CSMD1: variants seen among roughly 807,000 people sequenced by gnomAD.
The protein encoded by CSMD1 is CUB and sushi domain-containing protein 1.
Under a neutral mutation model 417.5 loss-of-function variants are expected in CSMD1, and 213 were observed. That is an observed-to-expected ratio of 0.51 (90% confidence interval 0.46 to 0.57). The LOEUF (loss-of-function observed/expected upper bound fraction) is 0.57, where lower values mean the gene tolerates loss of function less well. Among genes scored for constraint, CSMD1 ranks in the 20% least tolerant of loss-of-function variants. The pLI is 0.00. For synonymous variants in CSMD1, 2,862 were observed against 1,736.8 expected (o/e 1.65, Z -16.11); for missense variants, 6,923 against 4,529.7 (o/e 1.53, Z -15.17).
At chr8:3,340,657 T>A (rs1321783381) in intron 23 of CSMD1, among the ~76,000 whole-genome samples, 1 of 152,224 alleles carries the variant, frequency 6.6e-6, no homozygotes, top group Non-Finnish European at 1.5e-5. Flanking sequence ...GATTCAGGTA[T>A]TTGATGACCT....
chr8:3,789,630 C>A (rs1225157858), intron 5 of CSMD1, among the ~76,000 whole-genome samples: 1 of 150,846 alleles, frequency 6.6e-6, no homozygotes, highest in Non-Finnish European at 1.5e-5. Context: ...TTTAAGTCCT[C>A]TAAAAAATAA....
chr8:3,313,992 C>T (rs1320994036), intron 23 of CSMD1, among the ~76,000 whole-genome samples: 1 of 152,006 alleles, frequency 6.6e-6, no homozygotes, highest in African/African-American at 2.4e-5. Flanking sequence ...AAGCTGGAAA[C>T]CATCATTCTC....
At chr8:3,237,791 C>G (rs190821827) in intron 26 of CSMD1, among the ~76,000 whole-genome samples, 2 of 28,680 alleles carry the variant, frequency 7.0e-5, no homozygotes, top group Admixed American at 3.7e-4. Context: ...ACTTATACTA[C>G]AAGTATAATT....
At chr8:4,438,474 A>G (rs1420054215) in intron 2 of CSMD1, among the ~76,000 whole-genome samples, 1 of 152,168 alleles carries the variant, frequency 6.6e-6, no homozygotes, top group Non-Finnish European at 1.5e-5. Context: ...CAATGGACCA[A>G]CGCTTGGGTT....
rs80167164 is a variant in CSMD1 at position 4,210,841 on chromosome 8, G to A, written c.416-178742C>T. 2.4e-4 allele frequency among the ~76,000 whole-genome samples: 36 copies of A among 152,082 alleles called. No individual in the cohort carries two copies. The East Asian group carries it at 4.6e-3, about 20-fold the overall frequency. On this transcript the variant is annotated intron_variant, in intron 3 of 69. Transcript: ENST00000635120. ...AGTCTTGGAAAGAATCATGTATCTC[G>A]GGAAAGAAATGTTTCACAGCAGTGT... is the stretch of plus-strand genomic sequence containing the variant.
intron 18 of CSMD1, among the ~76,000 whole-genome samples, chr8:3,382,333 T>G: frequency 6.8e-6 from 1 of 146,754 alleles, no homozygotes; most frequent in East Asian, 1.9e-4. Context: ...TATATATATA[T>G]ATAAATTTAT....
chr8:4,465,692 T>C lies in CSMD1; in HGVS notation c.303-45627A>G, dbSNP rs1421112352. 4.6e-5 allele frequency among the ~76,000 whole-genome samples: 7 copies of C among 152,158 alleles called. No homozygotes were observed. In the East Asian group the frequency reaches 1.3e-3, roughly 29 times the overall value. ...GAAATTCACTTTATTGCTCTGACCATTAAAGGAAGAAGAATGGTAGGAAAG... is the reference window on the plus strand; with the variant it reads ...GAAATTCACTTTATTGCTCTGACCACTAAAGGAAGAAGAATGGTAGGAAAG... On this transcript the variant is annotated intron_variant, in intron 2 of 69. Transcript: ENST00000635120.
At chr8:3,551,432 C>G (rs530854778) in intron 10 of CSMD1, among the ~76,000 whole-genome samples, 2 of 152,126 alleles carry the variant, frequency 1.3e-5, no homozygotes, top group East Asian at 1.9e-4. Flanking sequence ...ATTAACTAAT[C>G]TGCACACTGA....
chr8:3,565,012 A>T (rs1799638007), intron 10 of CSMD1, among the ~76,000 whole-genome samples: 1 of 117,754 alleles, frequency 8.5e-6, no homozygotes, highest in Non-Finnish European at 1.8e-5. Flanking sequence ...GATGGGAAGC[A>T]AAGCACCATG....
At chr8:4,639,625 T>C (rs1803073316) in intron 1 of CSMD1, among the ~76,000 whole-genome samples, 1 of 152,228 alleles carries the variant, frequency 6.6e-6, no homozygotes, top group African/African-American at 2.4e-5. Context: ...CTGGGTGTAC[T>C]CAGATTGTGG....
chr8:3,442,207 GT>G (rs138203722), intron 12 of CSMD1, among the ~76,000 whole-genome samples: 14,007 of 151,996 alleles, frequency 0.092, 737 homozygotes, highest in Middle Eastern at 0.14. Context: ...AAATGAAAAG[GT>G]TTATAAAGTA....
intron 12 of CSMD1, among the ~76,000 whole-genome samples, chr8:3,412,129 T>C (rs1243870244): frequency 2.2e-5 from 3 of 135,184 alleles, no homozygotes; most frequent in Non-Finnish European, 4.7e-5. Flanking sequence ...CACACGTATA[T>C]ATACATATAT....
In CSMD1 at chr8:2,967,426, C is replaced by T. The variant is rs186679890; in HGVS notation, c.8924-680G>A. Among the ~76,000 whole-genome samples the T allele has an allele frequency of 5.0e-3, 767 of 152,298 alleles. 5 individuals carry two copies. Among genetic ancestry groups the T allele is most frequent in the Middle Eastern group, 0.01 (3 of 294 alleles). On this transcript the variant is annotated intron_variant, in intron 57 of 69. Transcript: ENST00000635120. ...AGGCCTCAATTAACGATGGTCAGTG[C>T]AACAGGTCTACACTCTGTGCCTATT...
chr8:3,933,564 G>C (rs183998568), intron 5 of CSMD1, among the ~76,000 whole-genome samples: 1 of 152,076 alleles, frequency 6.6e-6, no homozygotes, highest in Non-Finnish European at 1.5e-5. Context: ...GGCAAAACAG[G>C]ATACATTGAG....
At chr8:2,945,591 T>C (rs1802171684) in intron 68 of CSMD1, among the ~76,000 whole-genome samples, 1 of 152,184 alleles carries the variant, frequency 6.6e-6, no homozygotes, top group African/African-American at 2.4e-5. Context: ...TCCTACCTAA[T>C]TGCTCTCTAA....
intron 25 of CSMD1, among the ~76,000 whole-genome samples, chr8:3,297,550 T>A (rs1387538225): frequency 6.6e-6 from 1 of 152,198 alleles, no homozygotes; most frequent in Non-Finnish European, 1.5e-5. Context: ...ATTTGTACTA[T>A]AGTGCAATAA....
chr8:3,506,191 G>A (rs1035101220), intron 10 of CSMD1, among the ~76,000 whole-genome samples: 4 of 152,126 alleles, frequency 2.6e-5, no homozygotes, highest in African/African-American at 7.2e-5. Flanking sequence ...AACACCCCCA[G>A]CCCCAGGACG....
intron 1 of CSMD1, among the ~76,000 whole-genome samples, chr8:4,821,662 A>G (rs1484553146): frequency 6.6e-6 from 1 of 152,144 alleles, no homozygotes; most frequent in African/African-American, 2.4e-5. Flanking sequence ...TTTGAAAGGA[A>G]ATGATGACTC....
intron 2 of CSMD1, among the ~76,000 whole-genome samples, chr8:4,470,870 T>A (rs986906041): frequency 1.3e-5 from 2 of 152,210 alleles, no homozygotes; most frequent in Non-Finnish European, 2.9e-5. Flanking sequence ...TATGTAAAAC[T>A]GAATTATTTT....
Sources: gnomAD v4.1 joint callset for allele counts (sites outside exome capture counted in the v4.1 genomes callset) on GRCh38, gnomAD v4.1.1 for gene constraint, MANE v1.5 for transcripts, NCBI Gene and HGNC (gene_info 2026-07-23, HGNC 2026-07-21) for gene names.